The following ARHGEF33 variants were observed in gnomAD, a reference collection of about 807,000 sequenced individuals.
ARHGEF33 encodes DH and coiled-coil domain-containing protein ENSP00000381780.
In ARHGEF33, 72 loss-of-function variants were observed where a neutral mutation model predicts 101.9. The observed-to-expected ratio is 0.71, with a 90% CI of 0.58 to 0.86. The LOEUF is 0.86. Ranked by LOEUF, ARHGEF33 falls within the 40% of genes least tolerant of loss-of-function variation. The probability of loss-of-function intolerance (pLI) is 0.00; values close to 1 mark genes in which losing one functional copy is unlikely to be tolerated. For synonymous variants in ARHGEF33, 499 were observed against 442.5 expected, an observed-to-expected ratio of 1.13 and a Z score of -1.60; for missense variants, 1,169 against 1,111.3, an observed-to-expected ratio of 1.05 and a Z score of -0.74.
chr2:38,953,841 G>T (rs550720748), intron 12 of ARHGEF33, among the ~76,000 whole-genome samples: 2 of 152,194 alleles, frequency 1.3e-5, no homozygotes, highest in Non-Finnish European at 2.9e-5. Flanking sequence ...TCCCAACCCA[G>T]TATAATGCCT....
At position 38,911,955 on chromosome 2, in the gene ARHGEF33, G is replaced by T. The variant is rs79954507; in HGVS notation, c.-85-7408G>T. Among the ~76,000 whole-genome samples the T allele has an allele frequency of 1.2e-4, 19 of 152,342 alleles. No individual in the cohort carries two copies. In the East Asian group the frequency reaches 3.1e-3, roughly 25 times the overall value. ...AGACAAGAACAGAGAGGCTCTGGTT[G>T]AAGGGGGTAAAAAGGGGGACCCAGA... On this transcript the variant is annotated intron_variant, in intron 2 of 17. Coordinates refer to ENST00000409978, the MANE Select transcript of ARHGEF33 (RefSeq NM_001145451.5).
At chr2:38,912,207 A>G (rs1666524618) in intron 2 of ARHGEF33, among the ~76,000 whole-genome samples, 1 of 152,230 alleles carries the variant, frequency 6.6e-6, no homozygotes. Flanking sequence ...GAGGAAGGTC[A>G]GGGAGGAATA....
intron 2 of ARHGEF33, among the ~76,000 whole-genome samples, chr2:38,913,041 T>G (rs1011964105): frequency 1.3e-5 from 2 of 151,146 alleles, no homozygotes; most frequent in African/African-American, 4.8e-5. Context: ...ACAAATTGTT[T>G]TTTTTTTTTT....
intron 2 of ARHGEF33, among the ~76,000 whole-genome samples, chr2:38,907,394 A>T (rs1023316494): frequency 3.3e-5 from 5 of 152,188 alleles, no homozygotes; most frequent in Admixed American, 2.6e-4. Flanking sequence ...GAGAGCACCA[A>T]AGGCAGCTCC....
chr2:38,957,830 T>C, intron 14 of ARHGEF33: 1 of 579,528 alleles, frequency 1.7e-6, no homozygotes, highest in Non-Finnish European at 3.0e-6. Context: ...CCCAAGCTCT[T>C]TTCAGCCAGT....
intron 16 of ARHGEF33, among the ~76,000 whole-genome samples, chr2:38,962,723 C>A (rs928866273): frequency 6.6e-6 from 1 of 151,922 alleles, no homozygotes; most frequent in Non-Finnish European, 1.5e-5. Flanking sequence ...ACTTAAAAGG[C>A]CCTGGTTGTG....
chr2:38,940,431 C>CTTT (rs752151423), intron 9 of ARHGEF33, among the ~76,000 whole-genome samples: 1 of 142,482 alleles, frequency 7.0e-6, no homozygotes. Context: ...GCCCAGCCAT[C>CTTT]TTTTTTTTTT....
intron 10 of ARHGEF33, among the ~76,000 whole-genome samples, chr2:38,948,233 C>T (rs568582497): frequency 9.2e-5 from 14 of 152,298 alleles, no homozygotes; most frequent in African/African-American, 3.4e-4. Flanking sequence ...TGCTGTCTGT[C>T]TTCTGATTTC....
chr2:38,946,580 A>G (rs1399965676), intron 10 of ARHGEF33, among the ~76,000 whole-genome samples: 1 of 152,024 alleles, frequency 6.6e-6, no homozygotes, highest in Non-Finnish European at 1.5e-5. Context: ...TCCACTCATT[A>G]TCTTTCTTCT....
chr2:38,932,463 G>A (rs192118055), intron 7 of ARHGEF33, among the ~76,000 whole-genome samples: 32 of 151,742 alleles, frequency 2.1e-4, no homozygotes, highest in Non-Finnish European at 3.8e-4. Context: ...ACCTATTTGC[G>A]TAATTCATTG....
At chr2:38,891,671 C>G (rs957855651) in intron 1 of ARHGEF33, among the ~76,000 whole-genome samples, 1 of 152,092 alleles carries the variant, frequency 6.6e-6, no homozygotes, top group Non-Finnish European at 1.5e-5. Context: ...ATGTAAGAAT[C>G]TTTAAATTCA....
At chr2:38,906,911 T>C (rs1228204327) in intron 2 of ARHGEF33, among the ~76,000 whole-genome samples, 1 of 151,712 alleles carries the variant, frequency 6.6e-6, no homozygotes, top group Non-Finnish European at 1.5e-5. Flanking sequence ...TGAGCCATGA[T>C]TGCACCACTG....
intron 17 of ARHGEF33, among the ~76,000 whole-genome samples, chr2:38,970,413 C>T (rs569178397): frequency 6.6e-6 from 1 of 152,314 alleles, no homozygotes; most frequent in East Asian, 1.9e-4. Flanking sequence ...TTTATCTCAC[C>T]TATTCTGTCT....
chr2:38,945,533 C>G (rs1233414852), intron 10 of ARHGEF33, among the ~76,000 whole-genome samples: 3 of 152,270 alleles, frequency 2.0e-5, no homozygotes, highest in African/African-American at 7.2e-5. Flanking sequence ...TCTGGCCCTT[C>G]CAGTTCCCCC....
chr2:38,892,068 T>G (rs1666017386), intron 1 of ARHGEF33, among the ~76,000 whole-genome samples: 1 of 152,100 alleles, frequency 6.6e-6, no homozygotes, highest in South Asian at 2.1e-4. Flanking sequence ...CCTAAAATAA[T>G]CAGAAAAATA....
At chr2:38,938,183 G>A (rs1667199709) in intron 9 of ARHGEF33, among the ~76,000 whole-genome samples, 1 of 152,088 alleles carries the variant, frequency 6.6e-6, no homozygotes, top group African/African-American at 2.4e-5. Context: ...CGGGGGCATG[G>A]GGGAGGGAGA....
At chr2:38,962,849 C>CAAAAAA (rs386389985) in intron 16 of ARHGEF33, among the ~76,000 whole-genome samples, 19 of 55,948 alleles carry the variant, frequency 3.4e-4, no homozygotes, top group African/African-American at 6.6e-4. Context: ...CCCGTCTCTA[C>CAAAAAA]AAAAAAAAAA....
At position 38,925,705 on chromosome 2, in the gene ARHGEF33, G is replaced by A. The variant is rs184868967; in HGVS notation, c.76-3202G>A. 5.3e-5 allele frequency among the ~76,000 whole-genome samples: 8 copies of A among 152,226 alleles called. No individual in the cohort carries two copies. In the East Asian group the frequency reaches 1.3e-3, roughly 26 times the overall value. On this transcript the variant is annotated intron_variant, in intron 4 of 17. Coordinates refer to ENST00000409978, the MANE Select transcript of ARHGEF33 (RefSeq NM_001145451.5). Reference sequence around the variant, plus strand: ...GGGGGAAACCAAAGCAATTACCTTCGCCTCCTTGCCATCATGTATGTGCCA... The same window carrying A: ...GGGGGAAACCAAAGCAATTACCTTCACCTCCTTGCCATCATGTATGTGCCA...
chr2:38,934,663 C>G (rs1667091199), intron 7 of ARHGEF33, among the ~76,000 whole-genome samples: 1 of 99,030 alleles, frequency 1.0e-5, no homozygotes, highest in Non-Finnish European at 2.0e-5. Flanking sequence ...GCTTCTCTCC[C>G]TCCCTCCCCC....
Sources: allele counts gnomAD v4.1 joint callset (sites outside exome capture counted in the v4.1 genomes callset), GRCh38; gene constraint gnomAD v4.1.1; transcripts MANE v1.5; gene names NCBI Gene and HGNC (gene_info 2026-07-23, HGNC 2026-07-21).